Variants in FER1L6 observed in about 807,000 individuals in gnomAD.
The protein encoded by FER1L6 is fer-1-like protein 6.
FER1L6 carries 177 observed loss-of-function variants against 219.2 expected under a neutral mutation model. The ratio of observed to expected loss-of-function variants is 0.81; its 90% CI spans 0.71 to 0.91. FER1L6 has a LOEUF of 0.91. Among genes scored for constraint, FER1L6 ranks in the 40% least tolerant of loss-of-function variants. FER1L6 has a pLI of 0.00. For synonymous variants in FER1L6, 768 were observed against 824.3 expected (o/e 0.93, Z 1.17); for missense variants, 2,153 against 2,259.9 (o/e 0.95, Z 0.96).
intron 1 of FER1L6, among the ~76,000 whole-genome samples, chr8:123,932,900 G>A (rs745602702): frequency 2.0e-5 from 3 of 152,200 alleles, no homozygotes; most frequent in Non-Finnish European, 2.9e-5. Context: ...CTATTGCTGT[G>A]CTAGTAGAGG....
intron 15 of FER1L6, among the ~76,000 whole-genome samples, chr8:124,016,346 G>A (rs1450705487): frequency 6.6e-6 from 1 of 152,170 alleles, no homozygotes; most frequent in Non-Finnish European, 1.5e-5. Flanking sequence ...CTGCCAGTGG[G>A]TAGAGCCTGG....
rs906636785 is a variant in FER1L6 at position 124,021,483 on chromosome 8, A to G, written c.2014-67A>G. 28 of 1,596,028 alleles carry G rather than the reference A, an allele frequency of 1.8e-5. No individual in the cohort carries two copies. In the Middle Eastern group the frequency reaches 5.0e-4, roughly 28 times the overall value. ...CTCACCAGGACCTTCAGGTCTCTTCAGCAACAGGACGCTGCTTGTTGTCCA... is the reference window on the plus strand; with the variant it reads ...CTCACCAGGACCTTCAGGTCTCTTCGGCAACAGGACGCTGCTTGTTGTCCA... On this transcript the variant is annotated intron_variant, in intron 16 of 40. Coordinates refer to ENST00000522917, the MANE Select transcript of FER1L6 (RefSeq NM_001039112.2).
intron 1 of FER1L6, among the ~76,000 whole-genome samples, chr8:123,865,516 G>T (rs1356945647): frequency 5.3e-5 from 8 of 151,458 alleles, no homozygotes; most frequent in African/African-American, 2.0e-4. Flanking sequence ...CACCCAGTTT[G>T]AGCTTCCAGG....
chr8:123,967,340 T>A (rs1815594709), intron 5 of FER1L6, among the ~76,000 whole-genome samples: 1 of 152,200 alleles, frequency 6.6e-6, no homozygotes, highest in African/African-American at 2.4e-5. Flanking sequence ...AAACAATGTA[T>A]CTTGAAAATA....
At chr8:124,084,293 A>G (rs1821698401) in intron 33 of FER1L6, among the ~76,000 whole-genome samples, 1 of 151,516 alleles carries the variant, frequency 6.6e-6, no homozygotes, top group Non-Finnish European at 1.5e-5. Flanking sequence ...TTCCAGTTCT[A>G]TGTTGAATAA....
intron 33 of FER1L6, among the ~76,000 whole-genome samples, chr8:124,086,360 G>T (rs758247811): frequency 2.0e-5 from 3 of 148,506 alleles, no homozygotes; most frequent in African/African-American, 4.9e-5. Context: ...TGTATCTGTT[G>T]TATGTGTTTT....
chr8:124,112,950 A>G (rs937561123), intron 39 of FER1L6, among the ~76,000 whole-genome samples: 8 of 152,214 alleles, frequency 5.3e-5, no homozygotes, highest in African/African-American at 1.9e-4. Context: ...ACACATATGT[A>G]TACCATCTAA....
intron 36 of FER1L6, 21 bp downstream of exon 36, chr8:124,097,380 GC>G: frequency 3.2e-6 from 5 of 1,542,452 alleles, no homozygotes; most frequent in Non-Finnish European, 4.5e-6. Context: ...TGTAGCCCCA[GC>G]TTCAGGGGAA....
At chr8:124,042,984 C>G (rs945299077) in intron 20 of FER1L6, among the ~76,000 whole-genome samples, 22 of 152,204 alleles carry the variant, frequency 1.4e-4, no homozygotes, top group African/African-American at 4.8e-4. Flanking sequence ...TAAGAGGGAG[C>G]ATTAGAGGAG....
rs36086352 is a variant in FER1L6, at chr8:123,852,427, T to C, written c.-8+242T>C. On this transcript the variant is annotated intron_variant, in intron 1 of 40. Coordinates refer to ENST00000522917, the MANE Select transcript of FER1L6 (RefSeq NM_001039112.2). The surrounding 1 kb of genome is among the most constrained non-coding windows in gnomAD (Gnocchi z 4.9). ...CAGATTGGGTACTCAGTGGTCGCTGTAGCCAGGTTGACCTTGTTGCTTGAA... is the reference window on the plus strand; with the variant it reads ...CAGATTGGGTACTCAGTGGTCGCTGCAGCCAGGTTGACCTTGTTGCTTGAA... Among the ~76,000 whole-genome samples, 35,846 of 151,556 alleles carry C rather than the reference T, an allele frequency of 0.24. 4,651 individuals are homozygous for C. Among genetic ancestry groups the C allele is most frequent in the East Asian group, 0.47 (2,400 of 5,120 alleles).
In FER1L6 at chr8:123,898,836, T is replaced by C. The variant is rs192594074; in HGVS notation, c.-8+46651T>C. On this transcript the variant is annotated intron_variant, in intron 1 of 40. Transcript: ENST00000522917. ...ATATACATATGTGTATATATATATATACATACATATATACACACACACACA... is the reference window on the plus strand; with the variant it reads ...ATATACATATGTGTATATATATATACACATACATATATACACACACACACA... 1.2e-3 allele frequency among the ~76,000 whole-genome samples: 166 copies of C among 134,694 alleles called. 1 individual carries two copies. The highest frequency in any genetic ancestry group is 2.7e-3 in the African/African-American group (98 of 36,938). 88.4% of individuals were successfully genotyped at this position (134,694 alleles called of 152,430 possible).
intron 1 of FER1L6, among the ~76,000 whole-genome samples, chr8:123,912,529 C>T (rs1169490931): frequency 2.2e-5 from 3 of 138,154 alleles, no homozygotes; most frequent in South Asian, 2.4e-4. Flanking sequence ...ATACTATCTC[C>T]GAGAGAGCAT....
intron 1 of FER1L6, among the ~76,000 whole-genome samples, chr8:123,923,200 C>G (rs1466849495): frequency 2.0e-5 from 3 of 152,222 alleles, no homozygotes; most frequent in Non-Finnish European, 2.9e-5. Context: ...CTGAATCAGA[C>G]AGCAAGATGC....
chr8:124,077,122 A>T (rs1175088481), intron 32 of FER1L6, among the ~76,000 whole-genome samples: 1 of 152,168 alleles, frequency 6.6e-6, no homozygotes, highest in Non-Finnish European at 1.5e-5. Context: ...TACCAGCTCT[A>T]CAACCTTATG....
chr8:123,867,685 G>A (rs918505524), intron 1 of FER1L6, among the ~76,000 whole-genome samples: 8 of 152,126 alleles, frequency 5.3e-5, no homozygotes, highest in Admixed American at 5.2e-4. Flanking sequence ...TGGTACATGG[G>A]GAACTCTCCT....
chr8:124,020,204 T>TTCCCCATGATTC (rs1265764725), intron 16 of FER1L6, among the ~76,000 whole-genome samples: 1 of 152,204 alleles, frequency 6.6e-6, no homozygotes, highest in Non-Finnish European at 1.5e-5. Context: ...CCTCCTTGCC[T>TTCCCCATGATTC]TCCCCATGAT....
At chr8:124,080,554 G>T (rs1459839240) in intron 32 of FER1L6, among the ~76,000 whole-genome samples, 1 of 152,186 alleles carries the variant, frequency 6.6e-6, no homozygotes, top group African/African-American at 2.4e-5. Context: ...CTGGCCTCGA[G>T]TGATCCACCT....
At chr8:124,027,897 A>G (rs1457296813) in intron 18 of FER1L6, among the ~76,000 whole-genome samples, 1 of 152,200 alleles carries the variant, frequency 6.6e-6, no homozygotes. Context: ...GTAAAACTAT[A>G]ACTGAAAAAC....
chr8:123,975,020 A>G (rs899487208), intron 7 of FER1L6, 130 bp from the exon 8 acceptor site: 20 of 773,512 alleles, frequency 2.6e-5, no homozygotes, highest in African/African-American at 1.8e-5. Flanking sequence ...GTTTGGAAAA[A>G]ACTGAGATGA....
Sources: allele counts gnomAD v4.1 joint callset (sites outside exome capture counted in the v4.1 genomes callset), GRCh38; gene constraint gnomAD v4.1.1; non-coding constraint Gnocchi (gnomAD v3.1); transcripts MANE v1.5; gene names NCBI Gene and HGNC (gene_info 2026-07-23, HGNC 2026-07-21).